The following HS3ST2 variants were observed in gnomAD, a reference collection of about 807,000 sequenced individuals.
The protein encoded by HS3ST2 is heparan sulfate glucosamine 3-O-sulfotransferase 2.
HS3ST2 carries 17 observed loss-of-function variants against 26.3 expected under a neutral mutation model. The observed-to-expected ratio is 0.65, with a 90% CI of 0.44 to 0.97. The LOEUF is 0.97. Ranked by LOEUF, HS3ST2 falls within the 50% of genes least tolerant of loss-of-function variation. HS3ST2 has a pLI of 0.00. For missense variants in HS3ST2, 402 were observed against 501.2 expected, an observed-to-expected ratio of 0.80 and a Z score of 1.89; for synonymous variants, 237 against 219.2, an observed-to-expected ratio of 1.08 and a Z score of -0.72.
At chr16:22,873,939 G>A (rs1036496897) in intron 1 of HS3ST2, among the ~76,000 whole-genome samples, 1 of 152,178 alleles carries the variant, frequency 6.6e-6, no homozygotes, top group Non-Finnish European at 1.5e-5. Context: ...TCTTCAGCAG[G>A]CTTGCCTGGG....
intron 1 of HS3ST2, among the ~76,000 whole-genome samples, chr16:22,832,851 G>T (rs1214889800): frequency 2.0e-5 from 3 of 151,722 alleles, no homozygotes; most frequent in Non-Finnish European, 4.4e-5. Flanking sequence ...CTGCCCACCA[G>T]ACAGCCTCAG....
intron 1 of HS3ST2, among the ~76,000 whole-genome samples, chr16:22,865,100 A>G (rs1182645647): frequency 2.0e-5 from 3 of 151,418 alleles, no homozygotes; most frequent in East Asian, 3.9e-4. Context: ...TCATATGCAC[A>G]ATATTAGAAA....
chr16:22,914,602 G>A (rs922168034), intron 1 of HS3ST2, among the ~76,000 whole-genome samples: 1 of 133,984 alleles, frequency 7.5e-6, no homozygotes, highest in African/African-American at 3.3e-5. Context: ...CTACTTGGGA[G>A]GCTGAGATGG....
chr16:22,880,372 A>T (rs1901971810), intron 1 of HS3ST2, among the ~76,000 whole-genome samples: 1 of 152,162 alleles, frequency 6.6e-6, no homozygotes, highest in African/African-American at 2.4e-5. Flanking sequence ...AGCCATGATC[A>T]TGCCACTGTA....
intron 1 of HS3ST2, among the ~76,000 whole-genome samples, chr16:22,910,896 T>C (rs531554439): frequency 6.6e-6 from 1 of 152,228 alleles, no homozygotes; most frequent in African/African-American, 2.4e-5. Context: ...CACATAAGGA[T>C]TAGCTTTAAG....
At chr16:22,865,971 G>A (rs1901744151) in intron 1 of HS3ST2, among the ~76,000 whole-genome samples, 1 of 152,160 alleles carries the variant, frequency 6.6e-6, no homozygotes, top group Admixed American at 6.5e-5. Flanking sequence ...AGGCATTGAT[G>A]GAAGTCAATG....
intron 1 of HS3ST2, among the ~76,000 whole-genome samples, chr16:22,866,048 T>C (rs1413851797): frequency 6.6e-6 from 1 of 152,174 alleles, no homozygotes; most frequent in East Asian, 1.9e-4. Context: ...CAAGAACAAT[T>C]ACCTGACTGG....
intron 1 of HS3ST2, among the ~76,000 whole-genome samples, chr16:22,839,255 A>G (rs1283599580): frequency 6.6e-6 from 1 of 152,256 alleles, no homozygotes; most frequent in East Asian, 1.9e-4. Flanking sequence ...GGACTCAGCA[A>G]GGCTCACAGG....
At chr16:22,882,801 G>A (rs900439516) in intron 1 of HS3ST2, among the ~76,000 whole-genome samples, 3 of 152,018 alleles carry the variant, frequency 2.0e-5, no homozygotes, top group Non-Finnish European at 4.4e-5. Flanking sequence ...GGGAAGCTGA[G>A]GCAGGTGGAT....
At chr16:22,844,031 ACACACG>A (rs1280206459) in intron 1 of HS3ST2, among the ~76,000 whole-genome samples, 2 of 134,336 alleles carry the variant, frequency 1.5e-5, no homozygotes, top group African/African-American at 2.8e-5. Context: ...ACACACACAC[ACACACG>A]CACACACACA....
chr16:22,846,459 G>T (rs1901434372), intron 1 of HS3ST2, among the ~76,000 whole-genome samples: 1 of 152,084 alleles, frequency 6.6e-6, no homozygotes, highest in Admixed American at 6.6e-5. Flanking sequence ...CTTGGTGAGA[G>T]TCTGGGCCAA....
intron 1 of HS3ST2, among the ~76,000 whole-genome samples, chr16:22,899,455 G>C (rs540617401): frequency 1.0e-3 from 159 of 152,254 alleles, no homozygotes; most frequent in Non-Finnish European, 6.9e-4. Flanking sequence ...AGAAAGGGCA[G>C]GGTTTGGTCA....
chr16:22,833,759 C>G (rs1016291587), intron 1 of HS3ST2, among the ~76,000 whole-genome samples: 9 of 152,006 alleles, frequency 5.9e-5, no homozygotes, highest in Admixed American at 1.3e-4. Context: ...TCATCATTGT[C>G]TCCAACATAT....
chr16:22,914,004 G>T (rs998573189), intron 1 of HS3ST2, among the ~76,000 whole-genome samples: 1 of 152,122 alleles, frequency 6.6e-6, no homozygotes, highest in African/African-American at 2.4e-5. Context: ...CAGGAGTGGT[G>T]GCATGAGCCT....
At chr16:22,866,483 A>G (rs1478959141) in intron 1 of HS3ST2, among the ~76,000 whole-genome samples, 1 of 152,028 alleles carries the variant, frequency 6.6e-6, no homozygotes, top group Non-Finnish European at 1.5e-5. Flanking sequence ...ATGAATTTGT[A>G]TGAAGGCTGG....
At chr16:22,872,585 G>A (rs898989542) in intron 1 of HS3ST2, among the ~76,000 whole-genome samples, 6 of 152,068 alleles carry the variant, frequency 3.9e-5, no homozygotes, top group Non-Finnish European at 8.8e-5. Flanking sequence ...CTTTAGATGG[G>A]GCACACCCTC....
At chr16:22,870,647 G>A (rs897967135) in intron 1 of HS3ST2, among the ~76,000 whole-genome samples, 1 of 152,084 alleles carries the variant, frequency 6.6e-6, no homozygotes, top group African/African-American at 2.4e-5. Flanking sequence ...GAAACACCAG[G>A]TGCATTCTCA....
intron 1 of HS3ST2, among the ~76,000 whole-genome samples, chr16:22,870,279 G>T (rs914432687): frequency 4.6e-5 from 7 of 152,064 alleles, no homozygotes; most frequent in African/African-American, 1.7e-4. Flanking sequence ...ACCTGTGGGG[G>T]CAGGAATAAT....
chr16:22,827,853 G>A (rs1382698181), intron 1 of HS3ST2, among the ~76,000 whole-genome samples: 1 of 151,600 alleles, frequency 6.6e-6, no homozygotes, highest in Non-Finnish European at 1.5e-5. Context: ...GAAACTACGG[G>A]CATGAGGCAC....
Sources: allele counts gnomAD v4.1 joint callset (sites outside exome capture counted in the v4.1 genomes callset), GRCh38; gene constraint gnomAD v4.1.1; transcripts MANE v1.5; gene names NCBI Gene and HGNC (gene_info 2026-07-23, HGNC 2026-07-21).